SAE1: variants seen among roughly 807,000 people sequenced by gnomAD.
SAE1 encodes the protein SUMO-activating enzyme subunit 1.
SAE1 carries 11 observed loss-of-function variants against 40.6 expected under a neutral mutation model. The ratio of observed to expected loss-of-function variants is 0.27; its 90% confidence interval spans 0.17 to 0.45. SAE1 has a LOEUF of 0.45. Ranked by LOEUF, SAE1 falls within the 20% of genes least tolerant of loss-of-function variation. The pLI is 1.00. For missense variants in SAE1, 373 were observed against 427.3 expected (o/e 0.87, Z 1.12); for synonymous variants, 155 against 154.3 (o/e 1.00, Z -0.03).
chr19:47,138,016 A>G (rs557321269), intron 1 of SAE1, among the ~76,000 whole-genome samples: 106 of 151,768 alleles, frequency 7.0e-4, no homozygotes, highest in Admixed American at 3.0e-3. Flanking sequence ...GGCGTGAGCC[A>G]CTACACCCGG....
chr19:47,154,005 G>C (rs2058304242), intron 4 of SAE1, among the ~76,000 whole-genome samples: 1 of 151,900 alleles, frequency 6.6e-6, no homozygotes, highest in South Asian at 2.1e-4. Flanking sequence ...TGGTCAGGCT[G>C]GTCTTGAACT....
Position 47,155,202 on chromosome 19 carries a change from A to G in SAE1, c.616A>G (p.Met206Val), listed in dbSNP as rs953921144. 5.6e-6 allele frequency: 9 copies of G among 1,612,714 alleles called. No individual in the cohort carries two copies. Among genetic ancestry groups the G allele is most frequent in the African/African-American group, 1.3e-5 (1 of 74,854 alleles). ...RAKLDSSETT[M>V]VKKKVVFCPV... ...AAAACTTGATTCTTCTGAGACAACG[A>G]TGGTCAAAAAGGTATGTGTAACGTG... Residue 206 changes from methionine (M) to valine (V), a missense_variant, in exon 5 of 9, where the codon ATG becomes GTG. Physicochemically the swap from Met to Val is conservative, Grantham distance 21. Transcript: ENST00000270225.
intron 5 of SAE1, among the ~76,000 whole-genome samples, chr19:47,168,624 CAG>C (rs2058411109): frequency 6.6e-6 from 1 of 152,048 alleles, no homozygotes. Flanking sequence ...GTTTTTGAGA[CAG>C]AGTTTCGCTC....
intron 7 of SAE1, among the ~76,000 whole-genome samples, chr19:47,198,266 C>T (rs559642066): frequency 6.6e-6 from 1 of 152,262 alleles, no homozygotes; most frequent in Non-Finnish European, 1.5e-5. Context: ...CCTGCCACCA[C>T]GCCCAGCTAA....
intron 5 of SAE1, among the ~76,000 whole-genome samples, chr19:47,163,855 C>T (rs375509936): frequency 6.6e-6 from 1 of 151,008 alleles, no homozygotes; most frequent in Admixed American, 6.6e-5. Context: ...GCGTGATCTC[C>T]GTCTCCCAGG....
At chr19:47,193,182 C>T (rs1006892356) in intron 6 of SAE1, among the ~76,000 whole-genome samples, 5 of 151,670 alleles carry the variant, frequency 3.3e-5, no homozygotes, top group African/African-American at 4.8e-5. Flanking sequence ...CTCAGCCTCC[C>T]GAGTAGCTGA....
intron 7 of SAE1, among the ~76,000 whole-genome samples, chr19:47,203,239 C>T (rs1186607117): frequency 6.6e-6 from 1 of 152,106 alleles, no homozygotes; most frequent in African/African-American, 2.4e-5. Context: ...CTCAAATTTC[C>T]CTTGCTTCCT....
chr19:47,171,715 C>T (rs1203504971), intron 6 of SAE1, among the ~76,000 whole-genome samples: 1 of 152,068 alleles, frequency 6.6e-6, no homozygotes, highest in Admixed American at 6.6e-5. Context: ...CTGCCCACCT[C>T]AGTCTCCCAA....
intron 4 of SAE1, 104 bp from the exon 5 acceptor site, chr19:47,155,010 G>T (rs896788448): frequency 1.4e-6 from 1 of 714,790 alleles, no homozygotes; most frequent in Non-Finnish European, 2.5e-6. Context: ...CAAAGCTTTT[G>T]CCCTTAACCA....
chr19:47,196,526 G>A (rs2058617223), intron 6 of SAE1, among the ~76,000 whole-genome samples: 1 of 147,554 alleles, frequency 6.8e-6, no homozygotes, highest in Non-Finnish European at 1.5e-5. Context: ...ACCACACCTG[G>A]CTAATTTTTG....
intron 6 of SAE1, among the ~76,000 whole-genome samples, chr19:47,191,932 T>A (rs1049492912): frequency 6.6e-6 from 1 of 151,690 alleles, no homozygotes; most frequent in Non-Finnish European, 1.5e-5. Flanking sequence ...TGGCCGCCTG[T>A]AGTCCCAGCT....
intron 6 of SAE1, among the ~76,000 whole-genome samples, chr19:47,175,556 G>A (rs903081666): frequency 2.0e-5 from 3 of 152,076 alleles, no homozygotes; most frequent in African/African-American, 7.2e-5. Flanking sequence ...GGCCAAGATG[G>A]TGAAATCCCG....
intron 1 of SAE1, among the ~76,000 whole-genome samples, chr19:47,137,422 A>C (rs1459818445): frequency 6.6e-6 from 1 of 152,056 alleles, no homozygotes; most frequent in Non-Finnish European, 1.5e-5. Flanking sequence ...TAAAGTAAAG[A>C]AGCAGCTTCC....
intron 6 of SAE1, among the ~76,000 whole-genome samples, chr19:47,187,105 G>A (rs1485647165): frequency 2.6e-5 from 4 of 152,176 alleles, no homozygotes. Flanking sequence ...GGTTAAAGAG[G>A]AAAACAGAAT....
At chr19:47,145,841 A>G (rs1341223283) in intron 2 of SAE1, among the ~76,000 whole-genome samples, 5 of 152,080 alleles carry the variant, frequency 3.3e-5, no homozygotes, top group South Asian at 2.1e-4. Flanking sequence ...TGTAGTTTAC[A>G]TTCAACAAGC....
Position 47,184,662 on chromosome 19 carries a change from C to T in SAE1, c.734-12571C>T, listed in dbSNP as rs563440892. Among the ~76,000 whole-genome samples, 5 of 152,164 alleles carry T rather than the reference C, an allele frequency of 3.3e-5. No homozygotes were observed. The East Asian group carries it at 9.7e-4, about 29-fold the overall frequency. On this transcript the variant is annotated intron_variant, in intron 6 of 8. Coordinates refer to ENST00000270225, the MANE Select transcript of SAE1 (RefSeq NM_005500.3). ...CTGACCTCAGGTGATCCACCCACCT[C>T]AGCCTCCCAAAGTGCTGGGATTACA...
intron 5 of SAE1, among the ~76,000 whole-genome samples, chr19:47,164,526 A>G (rs1038574874): frequency 1.9e-4 from 28 of 148,280 alleles, no homozygotes; most frequent in African/African-American, 6.8e-4. Flanking sequence ...GCCATAATCT[A>G]TTTTACCAGT....
intron 5 of SAE1, among the ~76,000 whole-genome samples, chr19:47,162,497 T>C (rs1474191658): frequency 1.3e-5 from 2 of 152,210 alleles, no homozygotes; most frequent in South Asian, 2.1e-4. Flanking sequence ...GCGTTTTTTT[T>C]CCATTCTGCT....
intron 6 of SAE1, among the ~76,000 whole-genome samples, chr19:47,195,534 T>C (rs2058608257): frequency 6.6e-6 from 1 of 152,150 alleles, no homozygotes; most frequent in African/African-American, 2.4e-5. Context: ...GGAAGTTTTG[T>C]TTGTAATGAC....
Sources: allele counts gnomAD v4.1 joint callset (sites outside exome capture counted in the v4.1 genomes callset), GRCh38; gene constraint gnomAD v4.1.1; transcripts MANE v1.5; gene names NCBI Gene and HGNC (gene_info 2026-07-23, HGNC 2026-07-21).